Variants in PRH1 observed in about 807,000 individuals in gnomAD.
PRH1 encodes the protein proline rich protein HaeIII subfamily 1, also known as salivary acidic proline-rich phosphoprotein 1/2.
Under a neutral mutation model 7.9 loss-of-function variants are expected in PRH1, and 7 were observed. The observed-to-expected ratio is 0.89, with a 90% confidence interval of 0.50 to 1.67. PRH1 has a LOEUF of 1.67. Among genes scored for constraint, PRH1 ranks in the 40% most tolerant of loss-of-function variants. The probability of loss-of-function intolerance (pLI) is 0.00; values close to 1 mark genes in which losing one functional copy is unlikely to be tolerated. For synonymous variants in PRH1, 45 were observed against 80.8 expected, an observed-to-expected ratio of 0.56 and a Z score of 2.38; for missense variants, 109 against 223.6, an observed-to-expected ratio of 0.49 and a Z score of 3.27.
intron 1 of PRH1, among the ~76,000 whole-genome samples, chr12:11,064,233 T>G (rs369741718): frequency 6.6e-6 from 1 of 152,306 alleles, no homozygotes; most frequent in East Asian, 1.9e-4. Flanking sequence ...ACTCCATCGC[T>G]TGGTCTGGCC....
At chr12:11,033,910 G>C (rs944496322) in intron 1 of PRH1, among the ~76,000 whole-genome samples, 2 of 152,052 alleles carry the variant, frequency 1.3e-5, no homozygotes, top group African/African-American at 4.8e-5. Context: ...CCATGATGCA[G>C]GGCAAGACAA....
intron 1 of PRH1, among the ~76,000 whole-genome samples, chr12:11,066,178 C>T (rs1943801510): frequency 7.6e-6 from 1 of 131,498 alleles, no homozygotes; most frequent in South Asian, 2.2e-4. Context: ...AAGAATTCCA[C>T]CATTTAATCC....
chr12:11,001,857 A>G (rs1940610864), intron 1 of PRH1, among the ~76,000 whole-genome samples: 1 of 152,162 alleles, frequency 6.6e-6, no homozygotes, highest in South Asian at 2.1e-4. Flanking sequence ...AATTTATACT[A>G]TTAATTCTTT....
chr12:11,119,571 A>T (rs1210665621), downstream of PRH1, among the ~76,000 whole-genome samples: 1 of 152,210 alleles, frequency 6.6e-6, no homozygotes, highest in African/African-American at 2.4e-5. Context: ...ACTTAAAAAT[A>T]CATTAAAAAA....
intron 1 of PRH1, among the ~76,000 whole-genome samples, chr12:10,998,872 T>C (rs537000152): frequency 6.6e-6 from 1 of 152,212 alleles, no homozygotes; most frequent in Non-Finnish European, 1.5e-5. Context: ...ATTACTACAC[T>C]TTACATCGAA....
At chr12:10,906,037 A>G (rs968955254) in intron 2 of PRH1, among the ~76,000 whole-genome samples, 3 of 152,214 alleles carry the variant, frequency 2.0e-5, no homozygotes, top group East Asian at 3.8e-4. Flanking sequence ...AGAGAAATTA[A>G]TGATAAAAAT....
chr12:10,891,321 G>A (rs1460889952), intron 2 of PRH1: 1 of 152,132 alleles, frequency 6.6e-6, no homozygotes, highest in East Asian at 1.9e-4. Context: ...TAACAACTTT[G>A]GGAGATCTTT....
At chr12:10,883,571 C>A (rs992722846) in intron 1 of PRH1, among the ~76,000 whole-genome samples, 1 of 152,144 alleles carries the variant, frequency 6.6e-6, no homozygotes, top group African/African-American at 2.4e-5. Flanking sequence ...TGTTTGCAAG[C>A]CTTCTCAACA....
intron 1 of PRH1, chr12:10,986,105 A>G (rs981342720): frequency 1.9e-6 from 3 of 1,614,054 alleles, no homozygotes; most frequent in Non-Finnish European, 2.5e-6. Context: ...GCAGCCTCCT[A>G]GGACTCCAAA....
At chr12:11,154,541 A>G (rs1947195801) in intron 1 of PRH1, among the ~76,000 whole-genome samples, 2 of 152,178 alleles carry the variant, frequency 1.3e-5, no homozygotes, top group Admixed American at 1.3e-4. Context: ...ATTTCCTCTG[A>G]GCTCTAGGGG....
At chr12:11,030,657 C>T (rs1565571730) in intron 1 of PRH1, 1 of 1,614,066 alleles carries the variant, frequency 6.2e-7, no homozygotes, top group South Asian at 1.1e-5. Flanking sequence ...GTTTGCAAAG[C>T]TTTTATGTGG....
chr12:10,931,139 T>C (rs1950205825), intron 2 of PRH1: 2 of 1,588,666 alleles, frequency 1.3e-6, no homozygotes, highest in East Asian at 4.5e-5. Context: ...TCCAACTTCA[T>C]TGTGCCAGTG....
intron 1 of PRH1, among the ~76,000 whole-genome samples, chr12:11,042,656 G>C (rs182785204): frequency 2.1e-3 from 182 of 87,506 alleles, no homozygotes; most frequent in African/African-American, 9.0e-3. Flanking sequence ...TTGAGGCAGA[G>C]TCTCACTCTG....
At chr12:11,085,401 T>C (rs796826561) in intron 1 of PRH1, among the ~76,000 whole-genome samples, 47,063 of 105,790 alleles carry the variant, frequency 0.44, 7,121 homozygotes, top group Non-Finnish European at 0.54. Flanking sequence ...CTACCATTAC[T>C]GTTATGGAAA....
chr12:10,986,749 T>C lies in PRH1; in HGVS notation c.-125-13028A>G, dbSNP rs758287944. The C allele has an allele frequency of 5.0e-6, 8 of 1,611,948 alleles. 1 individual carries two copies. The South Asian group carries it at 8.8e-5, about 18-fold the overall frequency. On this transcript the variant is annotated intron_variant, in intron 1 of 3. Coordinates refer to the PRH1 transcript ENST00000539853. ...TGGTCAGCTGAGGAGATCTTTTTTC[T>C]CTTCACCCAGTCAATGAAATTTACC...
chr12:10,883,082 C>T lies in PRH1; in HGVS notation c.79G>A (p.Asp27Asn). The change falls in exon 2 of 4, where the codon GAT becomes AAT. Residue 27 changes from aspartate to asparagine, a missense_variant. This residue lies in a region of PRH1 where 60 missense variants were observed against 76.5 expected (regional missense o/e 0.78). Transcript: ENST00000543626. ...QDLNEDVSQEDVPLVISDGGD... is the reference protein window; with the variant it reads ...QDLNEDVSQENVPLVISDGGD... ...TTACCTGATATTACGAGGGGAACAT[C>T]TTCCTGGCTGACATCTAGAAAAGAA... is the stretch of plus-strand genomic sequence containing the variant. 1 of 1,613,436 alleles carries T rather than the reference C, an allele frequency of 6.2e-7. No homozygotes were observed. Among genetic ancestry groups the T allele is most frequent in the Non-Finnish European group, 8.5e-7 (1 of 1,179,376 alleles).
upstream of PRH1, chr12:11,049,186 T>C (rs907754775): frequency 1.5e-5 from 18 of 1,194,192 alleles, no homozygotes; most frequent in Middle Eastern, 2.2e-4. Flanking sequence ...TATGAAGCCA[T>C]TGGCAACATT....
intron 2 of PRH1, among the ~76,000 whole-genome samples, chr12:10,968,637 G>T (rs1938632419): frequency 6.6e-6 from 1 of 152,200 alleles, no homozygotes; most frequent in Admixed American, 6.5e-5. Flanking sequence ...TTCATGGGAG[G>T]GAACTGGGGC....
chr12:10,986,032 A>G, intron 1 of PRH1: 1 of 1,614,028 alleles, frequency 6.2e-7, no homozygotes, highest in Non-Finnish European at 8.5e-7. Context: ...ATTAGGATGA[A>G]TGAGTCGAAT....
Sources: allele counts gnomAD v4.1 joint callset (sites outside exome capture counted in the v4.1 genomes callset), GRCh38; gene constraint gnomAD v4.1.1; regional missense constraint gnomAD v4.1.1; transcripts MANE v1.5; gene names NCBI Gene and HGNC (gene_info 2026-07-23, HGNC 2026-07-21).